Variants in EPHA6 observed in about 807,000 individuals in gnomAD.
EPHA6 encodes EPH receptor A6.
Under a neutral mutation model 112.0 loss-of-function variants are expected in EPHA6, and 50 were observed. The observed-to-expected ratio is 0.45, with a 90% CI of 0.36 to 0.56. The LOEUF is 0.56. EPHA6 is among the 20% of genes least tolerant of loss of function. The pLI is 0.00. For synonymous variants in EPHA6, 529 were observed against 490.7 expected, an observed-to-expected ratio of 1.08 and a Z score of -1.03; for missense variants, 1,280 against 1,417.4, an observed-to-expected ratio of 0.90 and a Z score of 1.56.
At chr3:97,482,370 G>C (rs1363684155) in intron 9 of EPHA6, among the ~76,000 whole-genome samples, 2 of 152,150 alleles carry the variant, frequency 1.3e-5, no homozygotes, top group African/African-American at 2.4e-5. Context: ...ATTCTACTAA[G>C]TTGTTATGAA....
intron 3 of EPHA6, among the ~76,000 whole-genome samples, chr3:97,079,022 A>G (rs1576448350): frequency 6.6e-6 from 1 of 152,196 alleles, no homozygotes; most frequent in Non-Finnish European, 1.5e-5. Flanking sequence ...TATATACCCA[A>G]AGGAATATAA....
intron 2 of EPHA6, among the ~76,000 whole-genome samples, chr3:96,950,033 A>C (rs145334890): frequency 6.6e-6 from 1 of 152,264 alleles, no homozygotes; most frequent in East Asian, 1.9e-4. Flanking sequence ...TCTAACAAAT[A>C]AAGTTCTATT....
intron 13 of EPHA6, among the ~76,000 whole-genome samples, chr3:97,637,586 C>T (rs185127040): frequency 6.6e-6 from 1 of 152,036 alleles, no homozygotes; most frequent in Admixed American, 6.6e-5. Context: ...CACTTTAGTT[C>T]TCTCCTATTA....
In EPHA6 at chr3:96,864,290, A is replaced by T. The variant is rs192089474; in HGVS notation, c.386-2535A>T. ...TGTATAGGAAAGCTTAGGGTGGCCT[A>T]TGTATAATGTTCTTAACTGGAAATA... On this transcript the variant is annotated intron_variant, in intron 1 of 17. Coordinates refer to ENST00000389672, the MANE Select transcript of EPHA6 (RefSeq NM_001080448.3). Among the ~76,000 whole-genome samples, 4 of 152,082 alleles carry T rather than the reference A, an allele frequency of 2.6e-5. 1 individual carries two copies. Among genetic ancestry groups the T allele is most frequent in the South Asian group, 4.1e-4 (2 of 4,830 alleles).
rs76114480 is a variant in EPHA6, at chr3:97,745,767, T to C, written c.3129-1656T>C. Among the ~76,000 whole-genome samples the C allele has an allele frequency of 2.4e-3, 371 of 151,998 alleles. 2 individuals are homozygous for C. The highest frequency in any genetic ancestry group is 7.7e-3 in the African/African-American group (322 of 41,554). The stretch of plus-strand genomic sequence containing the variant: ...CAGAATCTTCAGGAGTTGTACCATA[T>C]ACAACTTGTGCTCCTAAAAGACTCG... On this transcript the variant is annotated intron_variant, in intron 16 of 17. Coordinates refer to ENST00000389672, the MANE Select transcript of EPHA6 (RefSeq NM_001080448.3).
intron 3 of EPHA6, among the ~76,000 whole-genome samples, chr3:97,038,922 C>G (rs1216060453): frequency 1.3e-5 from 2 of 152,064 alleles, no homozygotes; most frequent in African/African-American, 4.8e-5. Flanking sequence ...CAGGAACTCT[C>G]TTCTTCAAAT....
intron 3 of EPHA6, among the ~76,000 whole-genome samples, chr3:97,010,290 C>T (rs1465173969): frequency 6.6e-6 from 1 of 152,012 alleles, no homozygotes; most frequent in Non-Finnish European, 1.5e-5. Context: ...GATTGCCAAC[C>T]CCAACCCATT....
At chr3:97,046,689 A>G (rs78354036) in intron 3 of EPHA6, among the ~76,000 whole-genome samples, 1 of 152,190 alleles carries the variant, frequency 6.6e-6, no homozygotes, top group Non-Finnish European at 1.5e-5. Flanking sequence ...AATTTACAAA[A>G]GCCAGTAGTA....
chr3:96,983,213 G>A lies in EPHA6; in HGVS notation c.451-4117G>A, dbSNP rs763811184. Among the ~76,000 whole-genome samples the A allele has an allele frequency of 1.1e-3, 166 of 152,230 alleles. 1 individual carries two copies. The highest frequency in any genetic ancestry group is 0.01 in the Middle Eastern group (3 of 294). ...TACCGGTTGTTCCTTTCTATGTTTA[G>A]TGCTTCCTTCAGGAGCTCTTGTAGG... On this transcript the variant is annotated intron_variant, in intron 2 of 17. Transcript: ENST00000389672.
chr3:96,890,711 G>A (rs1328945464), intron 2 of EPHA6, among the ~76,000 whole-genome samples: 5 of 152,164 alleles, frequency 3.3e-5, no homozygotes, highest in African/African-American at 1.2e-4. Context: ...GGCAAGTAGA[G>A]CTCTCATACA....
intron 2 of EPHA6, among the ~76,000 whole-genome samples, chr3:96,952,051 G>A (rs2041563164): frequency 1.3e-5 from 2 of 152,064 alleles, no homozygotes; most frequent in South Asian, 2.1e-4. Context: ...AAGGTTCTTG[G>A]AAAATTTAAT....
intron 2 of EPHA6, among the ~76,000 whole-genome samples, chr3:96,885,179 A>AGTTTTT (rs1384099324): frequency 6.6e-6 from 1 of 152,068 alleles, no homozygotes; most frequent in Admixed American, 6.6e-5. Flanking sequence ...ATCGGTCTGT[A>AGTTTTT]GTTTTTGTTT....
chr3:97,748,766 A>ACT lies in EPHA6; in HGVS notation c.*72_*73dup, dbSNP rs143926802. 0.059 allele frequency: 48,317 copies of ACT among 818,452 alleles called. 1,986 individuals are homozygous for ACT. The highest frequency in any genetic ancestry group is 0.077 in the Non-Finnish European group (36,492 of 475,188). 50.7% of individuals were successfully genotyped at this position (818,452 alleles called of 1,614,324 possible). A position where few individuals can be genotyped will look rare whatever the true frequency, so the allele number is the denominator to read the frequency against. On this transcript the variant is annotated 3_prime_UTR_variant, in exon 18 of 18. Transcript: ENST00000389672. ...TAAAATGAACGATATCCTCTCTACTACTCTCTCTTCTGATTCTCCAAACAT... is the reference window on the plus strand; with the variant it reads ...TAAAATGAACGATATCCTCTCTACTACTCTCTCTCTTCTGATTCTCCAAACAT...
At chr3:97,544,242 T>C (rs934885447) in intron 11 of EPHA6, among the ~76,000 whole-genome samples, 1 of 152,132 alleles carries the variant, frequency 6.6e-6, no homozygotes, top group Non-Finnish European at 1.5e-5. Flanking sequence ...CATAGATAGC[T>C]CTTATTATTT....
intron 2 of EPHA6, among the ~76,000 whole-genome samples, chr3:96,917,728 T>C (rs2039559422): frequency 6.6e-6 from 1 of 151,856 alleles, no homozygotes; most frequent in Admixed American, 6.6e-5. Flanking sequence ...CAACATTCAT[T>C]ACACTCACAC....
At chr3:97,429,923 CCAGT>C (rs1233667922) in intron 6 of EPHA6, among the ~76,000 whole-genome samples, 3 of 152,144 alleles carry the variant, frequency 2.0e-5, no homozygotes, top group Non-Finnish European at 2.9e-5. Context: ...AGTATTGGCC[CCAGT>C]CAGAGTCTTG....
chr3:96,936,596 TTTTAA>T (rs1346327149), intron 2 of EPHA6, among the ~76,000 whole-genome samples: 4 of 151,826 alleles, frequency 2.6e-5, no homozygotes, highest in African/African-American at 7.2e-5. Flanking sequence ...GATGTTCTTT[TTTTAA>T]TTTAATTTAA....
At chr3:97,572,849 A>C (rs2093347903) in intron 11 of EPHA6, 2 of 152,128 alleles carry the variant, frequency 1.3e-5, no homozygotes, top group African/African-American at 4.8e-5. Context: ...TAATTTTTTC[A>C]TTCTCCAAAT....
chr3:97,068,712 A>G (rs1421577346), intron 3 of EPHA6, among the ~76,000 whole-genome samples: 2 of 152,050 alleles, frequency 1.3e-5, no homozygotes, highest in Non-Finnish European at 2.9e-5. Context: ...GTGATAGGAA[A>G]GGAGGGCTTG....
Sources: allele counts gnomAD v4.1 joint callset (sites outside exome capture counted in the v4.1 genomes callset), GRCh38; gene constraint gnomAD v4.1.1; transcripts MANE v1.5; gene names NCBI Gene and HGNC (gene_info 2026-07-23, HGNC 2026-07-21).